TPP2: variants seen among roughly 807,000 people sequenced by gnomAD.
The protein encoded by TPP2 is tripeptidyl peptidase 2, also known as tripeptidyl-peptidase 2.
A neutral mutation model predicts 155.9 loss-of-function variants in TPP2; 34 were observed. The ratio of observed to expected loss-of-function variants is 0.22; its 90% CI spans 0.17 to 0.29. The LOEUF is 0.29. TPP2 is among the 10% of genes least tolerant of loss of function. The probability of loss-of-function intolerance (pLI) is 1.00; values close to 1 mark genes in which losing one functional copy is unlikely to be tolerated. For missense variants in TPP2, 1,028 were observed against 1,522.3 expected (o/e 0.68, Z 5.40); for synonymous variants, 510 against 529.4 (o/e 0.96, Z 0.50).
Position 102,657,071 on chromosome 13 carries a change from C to T in TPP2, c.3007C>T (p.His1003Tyr), listed in dbSNP as rs1388612933. The stretch of plus-strand genomic sequence containing the variant: ...ACATTCGTAGGATGTAATCCCTGTT[C>T]ATTACTACTTAATACCTCCACCAAC... ...GKFKKDVIPVHYYLIPPPTKT... is the reference protein window; with the variant it reads ...GKFKKDVIPVYYYLIPPPTKT... Residue 1003 changes from histidine to tyrosine, a missense_variant, in exon 25 of 30, where the codon CAT becomes TAT. His to Tyr is a moderately conservative substitution (Grantham distance 83). Around this residue, in one of 7 missense-constraint regions of TPP2, gnomAD observed 179 missense variants for 274.7 expected, o/e 0.65. Coordinates refer to ENST00000376052, the MANE Select transcript of TPP2 (RefSeq NM_001330588.2). The T allele has an allele frequency of 1.1e-5, 18 of 1,590,892 alleles. No individual in the cohort carries two copies. The highest frequency in any genetic ancestry group is 1.5e-5 in the Non-Finnish European group (18 of 1,173,234).
Position 102,638,249 on chromosome 13 carries a change from A to G in TPP2, c.1847A>G (p.Tyr616Cys). The change falls in exon 15 of 30, where the codon TAT (tyrosine) becomes TGT (cysteine). Residue 616 changes from tyrosine to cysteine, a missense_variant. Around this residue, in one of 7 missense-constraint regions of TPP2, gnomAD observed 325 missense variants for 463.7 expected, o/e 0.70. Transcript: ENST00000376052. ...GATTCTTTTTTCAAGGTATGTGGCT[A>G]TGATATAGCATCCCCTAACGCAGGT... ...EGLHYTEVCG[Y>C]DIASPNAGPL... is the part of the protein sequence containing the mutation. 1 of 1,612,454 alleles carries G rather than the reference A, an allele frequency of 6.2e-7. No homozygotes were observed. Among genetic ancestry groups the G allele is most frequent in the Non-Finnish European group, 8.5e-7 (1 of 1,179,928 alleles).
At chr13:102,658,114 T>C (rs1158758456) in intron 25 of TPP2, among the ~76,000 whole-genome samples, 1 of 152,226 alleles carries the variant, frequency 6.6e-6, no homozygotes, top group Non-Finnish European at 1.5e-5. Context: ...GTGTACTCTT[T>C]GACTTTGGGC....
At chr13:102,610,464 A>G (rs1294626275) in intron 2 of TPP2, among the ~76,000 whole-genome samples, 1 of 152,166 alleles carries the variant, frequency 6.6e-6, no homozygotes, top group East Asian at 1.9e-4. Flanking sequence ...TCCTGACATC[A>G]GGTGATCCAC....
At chr13:102,632,402 G>A (rs1050874404) in intron 10 of TPP2, among the ~76,000 whole-genome samples, 5 of 151,584 alleles carry the variant, frequency 3.3e-5, no homozygotes, top group African/African-American at 4.8e-5. Flanking sequence ...CCACCACACC[G>A]GGTTAATTTT....
At position 102,643,215 on chromosome 13, in the gene TPP2, A is replaced by G; in HGVS notation, c.2021-7A>G. On this transcript the variant is annotated splice_polypyrimidine_tract_variant and splice_region_variant and intron_variant, in intron 16 of 29. Transcript: ENST00000376052. Reference sequence around the variant, plus strand: ...TTAAAGCTTTGCTTCTTTCTTTCTTATTTTAGAAGTGACAGTGTGTTCGTG... The same window carrying G: ...TTAAAGCTTTGCTTCTTTCTTTCTTGTTTTAGAAGTGACAGTGTGTTCGTG... 1 of 1,573,568 alleles carries G rather than the reference A, an allele frequency of 6.4e-7. No individual in the cohort carries two copies. The highest frequency in any genetic ancestry group is 8.6e-7 in the Non-Finnish European group (1 of 1,166,642).
intron 24 of TPP2, among the ~76,000 whole-genome samples, chr13:102,652,689 C>T (rs981140288): frequency 6.6e-6 from 1 of 151,642 alleles, no homozygotes; most frequent in Non-Finnish European, 1.5e-5. Context: ...AATAATTTGT[C>T]CAAACAAAAT....
intron 27 of TPP2, among the ~76,000 whole-genome samples, chr13:102,670,228 T>G (rs1469332197): frequency 6.6e-6 from 1 of 152,040 alleles, no homozygotes; most frequent in Non-Finnish European, 1.5e-5. Context: ...TACTAGATAA[T>G]AACTGAAGTA....
chr13:102,622,836 GAAA>G lies in TPP2; in HGVS notation c.621-39_621-37del, dbSNP rs762122325. 15 of 1,571,926 alleles carry G rather than the reference GAAA, an allele frequency of 9.5e-6. No homozygotes were observed. The Admixed American group carries it at 1.4e-4, about 14-fold the overall frequency. On this transcript the variant is annotated intron_variant, in intron 5 of 29. Transcript: ENST00000376052. ...TGTTACATGATTTTTAGAAAGGTAA[GAAA>G]ATAAATTTTACTGTCTCCATTTCTT...
At chr13:102,620,112 A>G (rs898496653) in intron 5 of TPP2, among the ~76,000 whole-genome samples, 1 of 152,206 alleles carries the variant, frequency 6.6e-6, no homozygotes, top group Admixed American at 6.5e-5. Context: ...TAGGTTCTGA[A>G]AACACTGCAG....
intron 25 of TPP2, among the ~76,000 whole-genome samples, chr13:102,661,527 G>A (rs997422887): frequency 6.6e-6 from 1 of 152,008 alleles, no homozygotes; most frequent in African/African-American, 2.4e-5. Context: ...ACAGGCATGA[G>A]CCACCTCCAC....
At chr13:102,624,587 G>A (rs987907386) in intron 6 of TPP2, among the ~76,000 whole-genome samples, 1 of 152,038 alleles carries the variant, frequency 6.6e-6, no homozygotes, top group Non-Finnish European at 1.5e-5. Flanking sequence ...AGAATTTTAT[G>A]TAAGTGGAAT....
At chr13:102,621,988 G>A (rs917362110) in intron 5 of TPP2, among the ~76,000 whole-genome samples, 12 of 151,996 alleles carry the variant, frequency 7.9e-5, no homozygotes, top group Admixed American at 6.6e-4. Context: ...CTATACCTTC[G>A]TATATTCTAT....
intron 1 of TPP2, among the ~76,000 whole-genome samples, chr13:102,601,103 A>G (rs1381880039): frequency 6.6e-6 from 1 of 152,066 alleles, no homozygotes; most frequent in Non-Finnish European, 1.5e-5. Context: ...TGTTACCCAG[A>G]CTGGCCTGAC....
In TPP2 at chr13:102,644,606, G is replaced by A. The variant is rs769329189; in HGVS notation, c.2225G>A (p.Ser742Asn). The stretch of plus-strand genomic sequence containing the variant: ...ATTGCTCGTTGGTGGGCAAGTCTCA[G>A]TGATGTCAACATTGATTATACCATT... ...FCIARWWASL[S>N]DVNIDYTISF... The change falls in exon 18 of 30, where the codon AGT (serine) becomes AAT (asparagine). Residue 742 changes from serine (S) to asparagine (N), a missense_variant. By Grantham distance (46) the Ser-to-Asn change is conservative (BLOSUM62 1). Around this residue, in one of 7 missense-constraint regions of TPP2, gnomAD observed 325 missense variants for 463.7 expected, o/e 0.70. Transcript: ENST00000376052. The A allele has an allele frequency of 6.2e-7, 1 of 1,613,158 alleles. No homozygotes were observed. The highest frequency in any genetic ancestry group is 1.1e-5 in the South Asian group (1 of 90,798).
chr13:102,674,376 C>A lies in TPP2; in HGVS notation c.3465C>A (p.Asp1155Glu). Residue 1155 changes from aspartate (D) to glutamate (E), a missense_variant, in exon 28 of 30, where the codon GAC (aspartate) becomes GAA (glutamate). By Grantham distance (45) the Asp-to-Glu change is conservative. Transcript: ENST00000376052. ...ADHLLHTQAQ[D>E]GAISTDAEGK... ...ATCTTCTTCACACCCAGGCTCAAGA[C>A]GGAGCCATTTCCACTGATGCAGAAG... 1 of 1,613,924 alleles carries A rather than the reference C, an allele frequency of 6.2e-7. No individual in the cohort carries two copies. Among genetic ancestry groups the A allele is most frequent in the Non-Finnish European group, 8.5e-7 (1 of 1,179,874 alleles).
At chr13:102,623,081 A>T in intron 6 of TPP2, 41 bp downstream of exon 6, 1 of 1,576,192 alleles carries the variant, frequency 6.3e-7, no homozygotes, top group Non-Finnish European at 8.6e-7. Flanking sequence ...TAGATTTATG[A>T]GGTGATAAAG....
intron 25 of TPP2, among the ~76,000 whole-genome samples, chr13:102,661,790 T>C (rs1181636167): frequency 6.6e-6 from 1 of 152,138 alleles, no homozygotes; most frequent in Non-Finnish European, 1.5e-5. Flanking sequence ...TTGGCAAGTA[T>C]GTGGACAAAG....
chr13:102,615,700 C>T (rs1311723438), intron 3 of TPP2, among the ~76,000 whole-genome samples: 1 of 152,168 alleles, frequency 6.6e-6, no homozygotes, highest in East Asian at 1.9e-4. Flanking sequence ...TGTAGTCTTA[C>T]TCTAGTCCTC....
intron 15 of TPP2, 60 bp downstream of exon 15, chr13:102,638,375 G>T: frequency 6.6e-7 from 1 of 1,522,712 alleles, no homozygotes; most frequent in Non-Finnish European, 9.1e-7. Flanking sequence ...ACTATTCATG[G>T]AGTCTTGTGG....
Sources: gnomAD v4.1 joint callset for allele counts (sites outside exome capture counted in the v4.1 genomes callset) on GRCh38, gnomAD v4.1.1 for gene constraint, gnomAD v4.1.1 regional missense constraint, MANE v1.5 for transcripts, NCBI Gene and HGNC (gene_info 2026-07-23, HGNC 2026-07-21) for gene names.